The following EPHA6 variants were observed in gnomAD, a reference collection of about 807,000 sequenced individuals.
EPHA6 encodes the protein EPH receptor A6.
Under a neutral mutation model 112.0 loss-of-function variants are expected in EPHA6, and 50 were observed. That is an observed-to-expected ratio of 0.45 (90% CI 0.36 to 0.56). The LOEUF (loss-of-function observed/expected upper bound fraction) is 0.56, where lower values mean the gene tolerates loss of function less well. Ranked by LOEUF, EPHA6 falls within the 20% of genes least tolerant of loss-of-function variation. The pLI is 0.00. For synonymous variants in EPHA6, 529 were observed against 490.7 expected (o/e 1.08, Z -1.03); for missense variants, 1,280 against 1,417.4 (o/e 0.90, Z 1.56).
chr3:96,832,161 T>C (rs1576085991), intron 1 of EPHA6, among the ~76,000 whole-genome samples: 1 of 152,120 alleles, frequency 6.6e-6, no homozygotes, highest in African/African-American at 2.4e-5. Flanking sequence ...ATCTAATCAC[T>C]TCACTGCTCA....
intron 2 of EPHA6, among the ~76,000 whole-genome samples, chr3:96,975,219 C>A (rs78385169): frequency 0.076 from 11,542 of 151,984 alleles, 760 homozygotes; most frequent in Admixed American, 0.22. Context: ...GTGAGAGTAA[C>A]ACATCATAAG....
chr3:97,209,136 A>C (rs537858613), intron 3 of EPHA6, among the ~76,000 whole-genome samples: 3 of 152,182 alleles, frequency 2.0e-5, no homozygotes, highest in African/African-American at 4.8e-5. Context: ...GCACACACAG[A>C]ATACTTAGTA....
intron 11 of EPHA6, among the ~76,000 whole-genome samples, chr3:97,538,443 T>C (rs945667593): frequency 1.3e-5 from 2 of 152,204 alleles, no homozygotes; most frequent in African/African-American, 4.8e-5. Context: ...ACATGCTAAG[T>C]TTAAGGTGTC....
At chr3:97,653,831 C>T (rs1456101255) in intron 14 of EPHA6, among the ~76,000 whole-genome samples, 1 of 151,860 alleles carries the variant, frequency 6.6e-6, no homozygotes, top group Non-Finnish European at 1.5e-5. Flanking sequence ...GAAAATCCTG[C>T]CATTTGCAAA....
intron 12 of EPHA6, among the ~76,000 whole-genome samples, chr3:97,594,888 A>C (rs539361011): frequency 3.9e-4 from 60 of 152,308 alleles, no homozygotes; most frequent in South Asian, 1.0e-3. Flanking sequence ...ACTTTCTGCC[A>C]ATTGATTATC....
chr3:97,165,262 A>G (rs2076513131), intron 3 of EPHA6, among the ~76,000 whole-genome samples: 1 of 151,976 alleles, frequency 6.6e-6, no homozygotes, highest in African/African-American at 2.4e-5. Flanking sequence ...ATGTCTTCTC[A>G]CTCTCCAACA....
At chr3:97,143,967 A>G (rs1263183012) in intron 3 of EPHA6, among the ~76,000 whole-genome samples, 1 of 151,716 alleles carries the variant, frequency 6.6e-6, no homozygotes, top group East Asian at 1.9e-4. Context: ...CTGTCTAGGG[A>G]GTTGCTAGAC....
At chr3:97,040,521 G>A (rs1331427712) in intron 3 of EPHA6, among the ~76,000 whole-genome samples, 1 of 151,998 alleles carries the variant, frequency 6.6e-6, no homozygotes, top group Non-Finnish European at 1.5e-5. Flanking sequence ...CTTAAGGATA[G>A]AAAAGCTTAT....
In EPHA6 at chr3:97,141,921, G is replaced by T. The variant is rs140715048; in HGVS notation, c.1115-84343G>T. The stretch of plus-strand genomic sequence containing the variant: ...GATTTGCCCCAGAATACTTGCTGGT[G>T]GTGCTTGCAGCTGCAGTGTTTGCCC... On this transcript the variant is annotated intron_variant, in intron 3 of 17. Coordinates refer to ENST00000389672, the MANE Select transcript of EPHA6 (RefSeq NM_001080448.3). Among the ~76,000 whole-genome samples, 72 of 152,026 alleles carry T rather than the reference G, an allele frequency of 4.7e-4. 2 individuals are homozygous for T. Among genetic ancestry groups the T allele is most frequent in the African/African-American group, 1.7e-3 (69 of 41,530 alleles).
At chr3:97,604,070 T>A (rs868050670) in intron 12 of EPHA6, among the ~76,000 whole-genome samples, 33 of 151,832 alleles carry the variant, frequency 2.2e-4, no homozygotes, top group African/African-American at 7.7e-4. Flanking sequence ...AAACACATTA[T>A]CCTTTTCATC....
At chr3:96,912,034 A>C (rs2039243341) in intron 2 of EPHA6, among the ~76,000 whole-genome samples, 2 of 152,106 alleles carry the variant, frequency 1.3e-5, no homozygotes. Context: ...AATTGTTTTG[A>C]TTGGGATGGG....
At chr3:96,973,333 T>C (rs2107790535) in intron 2 of EPHA6, among the ~76,000 whole-genome samples, 1 of 152,276 alleles carries the variant, frequency 6.6e-6, no homozygotes, top group South Asian at 2.1e-4. Flanking sequence ...TCCTGTACCA[T>C]GTATATCCAG....
chr3:97,034,709 T>C (rs1236882944), intron 3 of EPHA6, among the ~76,000 whole-genome samples: 5 of 151,924 alleles, frequency 3.3e-5, no homozygotes, highest in Non-Finnish European at 1.5e-5. Context: ...GTTTTCAAAT[T>C]AGCATAAGCA....
intron 5 of EPHA6, among the ~76,000 whole-genome samples, chr3:97,306,839 A>T (rs567004223): frequency 2.6e-5 from 4 of 151,430 alleles, no homozygotes; most frequent in East Asian, 1.9e-4. Context: ...TGTAAAAAAA[A>T]TTTTTTTTGA....
chr3:97,658,548 T>G (rs1040306427), intron 14 of EPHA6, among the ~76,000 whole-genome samples: 2 of 151,916 alleles, frequency 1.3e-5, no homozygotes, highest in Admixed American at 1.3e-4. Context: ...GCCATGAAAC[T>G]TTAATATCTC....
rs193177673 is a variant in EPHA6 at position 97,229,844 on chromosome 3, C to T, written c.1270+3425C>T. Among the ~76,000 whole-genome samples, 510 of 152,182 alleles carry T rather than the reference C, an allele frequency of 3.4e-3. 1 individual carries two copies. The highest frequency in any genetic ancestry group is 0.011 in the African/African-American group (473 of 41,560). On this transcript the variant is annotated intron_variant, in intron 4 of 17. Coordinates refer to ENST00000389672, the MANE Select transcript of EPHA6 (RefSeq NM_001080448.3). ...ATTGTAAATGCTAAGTGACTGCTTT[C>T]TTCAGAAAATTACAGCCTAGAAAAT...
chr3:97,216,084 A>G (rs1486025588), intron 3 of EPHA6, among the ~76,000 whole-genome samples: 3 of 152,182 alleles, frequency 2.0e-5, no homozygotes, highest in Non-Finnish European at 4.4e-5. Context: ...ATAAAGAAGT[A>G]CCTGAGATGG....
intron 3 of EPHA6, among the ~76,000 whole-genome samples, chr3:97,162,544 T>G (rs2076439138): frequency 6.6e-6 from 1 of 152,160 alleles, no homozygotes; most frequent in Non-Finnish European, 1.5e-5. Context: ...CTGGAATTAG[T>G]ATCAATTCAA....
At chr3:97,557,364 T>C (rs760083101) in intron 11 of EPHA6, among the ~76,000 whole-genome samples, 1 of 152,010 alleles carries the variant, frequency 6.6e-6, no homozygotes, top group Non-Finnish European at 1.5e-5. Flanking sequence ...TGCCTGGCAT[T>C]ATTTTATATG....
Sources: gnomAD v4.1 joint callset for allele counts (sites outside exome capture counted in the v4.1 genomes callset) on GRCh38, gnomAD v4.1.1 for gene constraint, MANE v1.5 for transcripts, NCBI Gene and HGNC (gene_info 2026-07-23, HGNC 2026-07-21) for gene names.